The following SDHA variants were observed in gnomAD, a reference collection of about 807,000 sequenced individuals.
The protein encoded by SDHA is succinate dehydrogenase complex flavoprotein subunit A, also known as succinate dehydrogenase [ubiquinone] flavoprotein subunit, mitochondrial.
A neutral mutation model predicts 78.4 loss-of-function variants in SDHA; 48 were observed. That is an observed-to-expected ratio of 0.61 (90% CI 0.49 to 0.78). The LOEUF (loss-of-function observed/expected upper bound fraction) is 0.78. Among genes scored for constraint, SDHA ranks in the 30% least tolerant of loss-of-function variants. The pLI, the probability that SDHA is intolerant of heterozygous loss-of-function variation, is 0.00. For synonymous variants in SDHA, 326 were observed against 353.9 expected (o/e 0.92, Z 0.88); for missense variants, 680 against 892.7 (o/e 0.76, Z 3.04).
chr5:263,861 A>G, the SDHA span, among the ~76,000 whole-genome samples: 2 of 152,246 alleles, frequency 1.3e-5, no homozygotes, highest in Non-Finnish European at 2.9e-5. Context: ...ACTGCCTCAA[A>G]AAAAACTCTG....
At chr5:248,314 C>T (rs4582328) in intron 11 of SDHA, among the ~76,000 whole-genome samples, 36,576 of 152,022 alleles carry the variant, frequency 0.24, 6,864 homozygotes, top group African/African-American at 0.53. Context: ...CAACACCCGT[C>T]GAACACAGCC....
intron 5 of SDHA, among the ~76,000 whole-genome samples, chr5:227,177 A>AT (rs1735082651): frequency 6.6e-6 from 1 of 151,830 alleles, no homozygotes; most frequent in Non-Finnish European, 1.5e-5. Context: ...TGCCTGGCTA[A>AT]TTTTTTGTAT....
intron 3 of SDHA, chr5:224,779 C>T (rs2126544415): frequency 5.6e-6 from 3 of 535,532 alleles, no homozygotes; most frequent in Admixed American, 3.2e-5. Context: ...TGCCTACTAC[C>T]TTCCCCACCT....
intron 13 of SDHA, 103 bp downstream of exon 13, chr5:251,571 A>C: frequency 2.5e-6 from 4 of 1,582,796 alleles, no homozygotes; most frequent in Non-Finnish European, 2.6e-6. Flanking sequence ...CGTTGCCCCA[A>C]AAGTAAATCC....
intron 8 of SDHA, 170 bp downstream of exon 8, chr5:233,815 A>T: frequency 1.6e-6 from 1 of 635,692 alleles, no homozygotes; most frequent in Non-Finnish European, 2.7e-6. Context: ...CTAAAGACCT[A>T]CATTTTGAAA....
At chr5:236,223 C>G (rs566557512) in intron 9 of SDHA, 1 of 612,220 alleles carries the variant, frequency 1.6e-6, no homozygotes, top group African/African-American at 1.8e-5. Context: ...TGGGGTTTCA[C>G]CGTGTTAGCC....
chr5:218,390 G>A lies in SDHA; in HGVS notation c.35G>A (p.Ser12Asn). 1 of 1,451,954 alleles carries A rather than the reference G, an allele frequency of 6.9e-7. No homozygotes were observed. The highest frequency in any genetic ancestry group is 9.0e-7 in the Non-Finnish European group (1 of 1,111,466). The allele number at this position is 1,451,954 out of a possible 1,614,324, so 89.9% of individuals were successfully genotyped here. ...SGVRGLSRLL[S>N]ARRLALAKAW... ...GTCCGGGGCCTGTCGCGGCTGCTGAGCGCTCGGCGCCTGGCGCTGGCCAAG... is the reference window on the plus strand; with the variant it reads ...GTCCGGGGCCTGTCGCGGCTGCTGAACGCTCGGCGCCTGGCGCTGGCCAAG... Residue 12 changes from serine to asparagine, a missense_variant, in exon 1 of 15, where the codon AGC becomes AAC. Ser to Asn is a conservative substitution (Grantham distance 46). Transcript: ENST00000264932.
intron 2 of SDHA, 31 bp from the exon 3 acceptor site, chr5:224,327 CAT>C (rs775508094): frequency 5.6e-6 from 9 of 1,607,684 alleles, no homozygotes; most frequent in Non-Finnish European, 6.8e-6. Context: ...CATAGTGGAA[CAT>C]GTGATTGACA....
chr5:236,063 T>C (rs6886749), intron 9 of SDHA: 16,455 of 333,742 alleles, frequency 0.049, 2,520 homozygotes, highest in African/African-American at 0.32. Context: ...CTCACTCTGT[T>C]GCTTCGGCTG....
chr5:240,712 T>C (rs1227342879), intron 11 of SDHA, among the ~76,000 whole-genome samples: 1 of 152,202 alleles, frequency 6.6e-6, no homozygotes, highest in South Asian at 2.1e-4. Flanking sequence ...CAGTCTCTGC[T>C]ACTCCACTCC....
chr5:256,511 T>C lies in SDHA; in HGVS notation c.*91T>C. On this transcript the variant is annotated 3_prime_UTR_variant, in exon 15 of 15. Coordinates refer to ENST00000264932, the MANE Select transcript of SDHA (RefSeq NM_004168.4). ...CCATGTCATAACTGTCTTCATACGC[T>C]TCTGCACTCTGGGGAAGAAGGAGTA... 1 of 1,157,018 alleles carries C rather than the reference T, an allele frequency of 8.6e-7. No individual in the cohort carries two copies. The highest frequency in any genetic ancestry group is 1.5e-5 in the African/African-American group (1 of 64,772). 71.7% of individuals were successfully genotyped at this position (1,157,018 alleles called of 1,614,324 possible). A position where few individuals can be genotyped will look rare whatever the true frequency, so the allele number is the denominator to read the frequency against.
chr5:257,259 T>C (rs1737262305), downstream of SDHA, among the ~76,000 whole-genome samples: 1 of 152,194 alleles, frequency 6.6e-6, no homozygotes, highest in Admixed American at 6.5e-5. Flanking sequence ...TACCAGTCCA[T>C]GGCCTGTTAG....
At chr5:235,550 C>T in intron 9 of SDHA, 1 of 611,370 alleles carries the variant, frequency 1.6e-6, no homozygotes, top group Non-Finnish European at 2.9e-6. Context: ...GTCAGAGATA[C>T]ATCATTTGCA....
chr5:235,438 G>A (rs1472466272), intron 9 of SDHA, 99 bp downstream of exon 9: 2 of 1,173,892 alleles, frequency 1.7e-6, no homozygotes, highest in Admixed American at 3.6e-5. Flanking sequence ...AAAGATAGAT[G>A]TTTCCTTCAA....
In SDHA at chr5:226,059, C is replaced by T. The variant is rs768226227; in HGVS notation, c.621+12C>T. On this transcript the variant is annotated intron_variant, in intron 5 of 14. Coordinates refer to ENST00000264932, the MANE Select transcript of SDHA (RefSeq NM_004168.4). The stretch of plus-strand genomic sequence containing the variant: ...CCTTATATGGAAGGGTAAGGCCGCC[C>T]CCGTCCACCTGAGACAGGACACGTA... 8 of 1,614,030 alleles carry T rather than the reference C, an allele frequency of 5.0e-6. No individual in the cohort carries two copies. Among genetic ancestry groups the T allele is most frequent in the South Asian group, 1.1e-5 (1 of 91,056 alleles).
chr5:236,507 A>T lies in SDHA; in HGVS notation c.1340A>T (p.His447Leu). 1 of 1,614,022 alleles carries T rather than the reference A, an allele frequency of 6.2e-7. No individual in the cohort carries two copies. The highest frequency in any genetic ancestry group is 8.5e-7 in the Non-Finnish European group (1 of 1,179,870). ...GGGGAGGCCGCCTGTGCCTCGGTACATGGTGCCAACCGCCTCGGGGCAAAC... is the reference window on the plus strand; with the variant it reads ...GGGGAGGCCGCCTGTGCCTCGGTACTTGGTGCCAACCGCCTCGGGGCAAAC... ...ACGEAACASV[H>L]GANRLGANSL... The change falls in exon 10 of 15, where the codon CAT (histidine) becomes CTT (leucine). Residue 447 changes from histidine (H) to leucine (L), a missense_variant. By Grantham distance (99) the His-to-Leu change is moderately conservative (BLOSUM62 -3). Transcript: ENST00000264932.
At chr5:236,342 C>G (rs1015171381) in intron 9 of SDHA, 86 bp from the exon 10 acceptor site, 25 of 1,404,996 alleles carry the variant, frequency 1.8e-5, no homozygotes, top group Non-Finnish European at 2.4e-5. Flanking sequence ...TCTCTCTGAC[C>G]TGCAGCACAG....
chr5:238,070 G>C (rs1349549019), intron 10 of SDHA, among the ~76,000 whole-genome samples: 1 of 145,594 alleles, frequency 6.9e-6, no homozygotes, highest in Non-Finnish European at 1.5e-5. Context: ...AGAACATTTT[G>C]TAAGAATACC....
rs143257841 is a variant in SDHA, at chr5:222,541, T to C, written c.64-941T>C. On this transcript the variant is annotated intron_variant, in intron 1 of 14. Coordinates refer to ENST00000264932, the MANE Select transcript of SDHA (RefSeq NM_004168.4). ...TGTTAGTAGAGATGGGGTTTTGCCA[T>C]GTTGGCCAGACTGGTCTTGAACTCC... Among the ~76,000 whole-genome samples the C allele has an allele frequency of 6.2e-3, 939 of 152,158 alleles. 12 individuals are homozygous for C. The highest frequency in any genetic ancestry group is 0.022 in the African/African-American group (921 of 41,520).
Sources: allele counts gnomAD v4.1 joint callset (sites outside exome capture counted in the v4.1 genomes callset), GRCh38; gene constraint gnomAD v4.1.1; transcripts MANE v1.5; gene names NCBI Gene and HGNC (gene_info 2026-07-23, HGNC 2026-07-21).